The following CNTNAP4 variants were observed in gnomAD, a reference collection of about 807,000 sequenced individuals.
CNTNAP4 encodes contactin associated protein family member 4.
In CNTNAP4, 98 loss-of-function variants were observed where a neutral mutation model predicts 148.4. That is an observed-to-expected ratio of 0.66 (90% confidence interval 0.56 to 0.78). The LOEUF is 0.78. Among genes scored for constraint, CNTNAP4 ranks in the 30% least tolerant of loss-of-function variants. CNTNAP4 has a pLI of 0.00. For synonymous variants in CNTNAP4, 730 were observed against 565.1 expected, an observed-to-expected ratio of 1.29 and a Z score of -4.14; for missense variants, 1,935 against 1,565.6, an observed-to-expected ratio of 1.24 and a Z score of -3.98.
At chr16:76,395,360 G>A (rs944147373) in intron 3 of CNTNAP4, among the ~76,000 whole-genome samples, 1 of 151,780 alleles carries the variant, frequency 6.6e-6, no homozygotes, top group Non-Finnish European at 1.5e-5. Context: ...CTGCCTCCAG[G>A]GTTCAAGCAA....
intron 3 of CNTNAP4, among the ~76,000 whole-genome samples, chr16:76,426,640 G>A (rs1257716293): frequency 1.3e-5 from 2 of 152,050 alleles, no homozygotes; most frequent in Admixed American, 6.6e-5. Context: ...CTATTATGTC[G>A]ATGCATCCTG....
chr16:76,450,438 C>T (rs1393156923), intron 7 of CNTNAP4, among the ~76,000 whole-genome samples: 1 of 152,234 alleles, frequency 6.6e-6, no homozygotes, highest in Admixed American at 6.5e-5. Flanking sequence ...GCATGAGCCA[C>T]TATGCCCAGC....
intron 1 of CNTNAP4, among the ~76,000 whole-genome samples, chr16:76,287,100 G>C (rs1597081594): frequency 2.0e-5 from 3 of 152,128 alleles, no homozygotes; most frequent in Admixed American, 2.0e-4. Flanking sequence ...AGTATCAAAA[G>C]ATGTAAGCTT....
chr16:76,483,845 G>C (rs1228046496), intron 12 of CNTNAP4, among the ~76,000 whole-genome samples: 1 of 151,976 alleles, frequency 6.6e-6, no homozygotes, highest in African/African-American at 2.4e-5. Context: ...AAAGCATTGG[G>C]GTTACAAATA....
At chr16:76,460,718 A>T (rs1217372818) in intron 8 of CNTNAP4, among the ~76,000 whole-genome samples, 1 of 126,822 alleles carries the variant, frequency 7.9e-6, no homozygotes, top group Non-Finnish European at 1.6e-5. Flanking sequence ...GCGCCATTGC[A>T]CTCCAGCCTG....
At chr16:76,453,191 G>A (rs2080584170) in intron 8 of CNTNAP4, among the ~76,000 whole-genome samples, 1 of 152,152 alleles carries the variant, frequency 6.6e-6, no homozygotes, top group Non-Finnish European at 1.5e-5. Flanking sequence ...AGGTCTTTCT[G>A]GGATCTATAT....
chr16:76,498,383 C>A (rs570684411), intron 14 of CNTNAP4, among the ~76,000 whole-genome samples, 184 bp from the exon 15 acceptor site: 1 of 152,212 alleles, frequency 6.6e-6, no homozygotes, highest in East Asian at 1.9e-4. Context: ...CAGAGTGAGA[C>A]CCTGTCTCAA....
intron 23 of CNTNAP4, among the ~76,000 whole-genome samples, chr16:76,556,644 G>A (rs1262330323): frequency 6.6e-6 from 1 of 152,186 alleles, no homozygotes; most frequent in African/African-American, 2.4e-5. Context: ...CTAGCCTGTA[G>A]AAATATTTAT....
intron 2 of CNTNAP4, among the ~76,000 whole-genome samples, chr16:76,347,992 C>T (rs935791248): frequency 6.6e-6 from 1 of 152,062 alleles, no homozygotes; most frequent in Non-Finnish European, 1.5e-5. Flanking sequence ...AATAGAATCT[C>T]AGTGGGCACA....
At chr16:76,499,789 T>C (rs188650145) in intron 15 of CNTNAP4, among the ~76,000 whole-genome samples, 24,353 of 150,766 alleles carry the variant, frequency 0.16, 2,310 homozygotes, top group Admixed American at 0.29. Context: ...TTCAAGCATC[T>C]GTTTAACAAA....
intron 1 of CNTNAP4, among the ~76,000 whole-genome samples, chr16:76,281,876 T>C (rs1958700189): frequency 1.3e-5 from 2 of 151,926 alleles, no homozygotes; most frequent in African/African-American, 4.8e-5. Context: ...TTCTTCCACT[T>C]ATTAGTAAAC....
chr16:76,315,791 C>T (rs1357962461), intron 1 of CNTNAP4, among the ~76,000 whole-genome samples: 1 of 151,948 alleles, frequency 6.6e-6, no homozygotes, highest in Non-Finnish European at 1.5e-5. Flanking sequence ...GATGGGGTTT[C>T]ACCATGTTGG....
At chr16:76,483,234 AC>A (rs2081906201) in intron 12 of CNTNAP4, among the ~76,000 whole-genome samples, 1 of 23,510 alleles carries the variant, frequency 4.3e-5, no homozygotes, top group African/African-American at 5.2e-4. Flanking sequence ...TTTAAGAAAC[AC>A]ACACACACAC....
intron 3 of CNTNAP4, among the ~76,000 whole-genome samples, chr16:76,406,989 A>T (rs112149596): frequency 1.3e-5 from 2 of 152,136 alleles, no homozygotes; most frequent in Non-Finnish European, 2.9e-5. Context: ...ACAGCCTTCT[A>T]TTGGAAGATG....
chr16:76,389,197 T>A (rs993582867), intron 3 of CNTNAP4, among the ~76,000 whole-genome samples: 2 of 152,210 alleles, frequency 1.3e-5, no homozygotes, highest in African/African-American at 4.8e-5. Flanking sequence ...AGAACAAGCT[T>A]TCTGTATGTG....
chr16:76,393,180 TG>T (rs1289258048), intron 3 of CNTNAP4, among the ~76,000 whole-genome samples: 3 of 152,186 alleles, frequency 2.0e-5, no homozygotes, highest in Non-Finnish European at 4.4e-5. Flanking sequence ...CCTTATCTTA[TG>T]GTTGCTATGG....
At chr16:76,370,899 G>C (rs1407846452) in intron 3 of CNTNAP4, among the ~76,000 whole-genome samples, 1 of 152,042 alleles carries the variant, frequency 6.6e-6, no homozygotes, top group South Asian at 2.1e-4. Flanking sequence ...ATGTTAACTA[G>C]TGCCACATGT....
chr16:76,512,642 G>A (rs569112921), intron 15 of CNTNAP4, among the ~76,000 whole-genome samples: 1 of 152,230 alleles, frequency 6.6e-6, no homozygotes, highest in South Asian at 2.1e-4. Flanking sequence ...AAGAGATGTG[G>A]AGTTGTCAGT....
chr16:76,471,527 C>T (rs928024871), intron 10 of CNTNAP4, among the ~76,000 whole-genome samples: 4 of 152,100 alleles, frequency 2.6e-5, no homozygotes, highest in Non-Finnish European at 5.9e-5. Context: ...CCTGTCCTTC[C>T]AATCCACCCC....
Sources: allele counts gnomAD v4.1 joint callset (sites outside exome capture counted in the v4.1 genomes callset), GRCh38; gene constraint gnomAD v4.1.1; transcripts MANE v1.5; gene names NCBI Gene and HGNC (gene_info 2026-07-23, HGNC 2026-07-21).